BANP: variants seen among roughly 807,000 people sequenced by gnomAD.
The protein encoded by BANP is protein BANP.
Under a neutral mutation model 68.1 loss-of-function variants are expected in BANP, and 11 were observed. That is an observed-to-expected ratio of 0.16 (90% CI 0.10 to 0.27). The LOEUF is 0.27. Ranked by LOEUF, BANP falls within the 10% of genes least tolerant of loss-of-function variation. BANP has a pLI of 1.00. For synonymous variants in BANP, 329 were observed against 303.2 expected, an observed-to-expected ratio of 1.09 and a Z score of -0.88; for missense variants, 504 against 722.7, an observed-to-expected ratio of 0.70 and a Z score of 3.47.
At chr16:87,954,690 C>T (rs369408934) in intron 1 of BANP, among the ~76,000 whole-genome samples, 7 of 152,350 alleles carry the variant, frequency 4.6e-5, no homozygotes, top group African/African-American at 1.4e-4. Flanking sequence ...CAGGGCTCTG[C>T]GAGGCTTGGA....
At chr16:88,038,087 C>T (rs1345998477) in intron 11 of BANP, 76 bp downstream of exon 11, 26 of 1,210,868 alleles carry the variant, frequency 2.1e-5, no homozygotes, top group East Asian at 5.0e-5. Context: ...GGGGGTGGGA[C>T]GGTCAGGTGA....
chr16:87,967,098 C>A (rs11117321), intron 1 of BANP, among the ~76,000 whole-genome samples: 5 of 152,126 alleles, frequency 3.3e-5, no homozygotes, highest in Middle Eastern at 3.4e-3. Context: ...AAGGGAAGTC[C>A]GTGTCTGATG....
At chr16:88,049,458 C>T (rs536636059) in intron 11 of BANP, among the ~76,000 whole-genome samples, 2 of 152,240 alleles carry the variant, frequency 1.3e-5, no homozygotes, top group Admixed American at 6.5e-5. Context: ...TGAACCTGCC[C>T]TCTTGGGTTT....
At chr16:87,990,963 C>T (rs1247315189) in intron 4 of BANP, among the ~76,000 whole-genome samples, 1 of 152,128 alleles carries the variant, frequency 6.6e-6, no homozygotes, top group South Asian at 2.1e-4. Context: ...GGGGTTTCAC[C>T]GTGTTAGCCA....
At chr16:87,960,942 C>T (rs1194176585) in intron 1 of BANP, among the ~76,000 whole-genome samples, 5 of 152,324 alleles carry the variant, frequency 3.3e-5, no homozygotes, top group East Asian at 3.9e-4. Context: ...TCTTTGCCAC[C>T]GTGAGCCCGA....
At chr16:87,989,554 G>A (rs1192079279) in intron 4 of BANP, among the ~76,000 whole-genome samples, 2 of 151,850 alleles carry the variant, frequency 1.3e-5, no homozygotes, top group Non-Finnish European at 1.5e-5. Flanking sequence ...GCAGGCCCGC[G>A]TGGCTGTGCG....
Position 88,033,118 on chromosome 16 carries a change from T to C in BANP, c.1073T>C (p.Met358Thr). 4 of 1,604,506 alleles carry C rather than the reference T, an allele frequency of 2.5e-6. No individual in the cohort carries two copies. The highest frequency in any genetic ancestry group is 1.3e-5 in the African/African-American group (1 of 74,886). ...SSSYCPSEPM[M>T]STPPPASELP... ...CCTGTTGCCCCCACAGAGCCGATGA[T>C]GAGCACCCCACCTCCTGCCAGCGAG... The change falls in exon 9 of 14, where the codon ATG becomes ACG. Residue 358 changes from methionine (M) to threonine (T), a missense_variant. Met to Thr is a moderately conservative substitution (Grantham distance 81). Transcript: ENST00000682872.
intron 1 of BANP, among the ~76,000 whole-genome samples, chr16:87,963,674 T>G (rs1356857814): frequency 6.6e-6 from 1 of 152,226 alleles, no homozygotes; most frequent in African/African-American, 2.4e-5. Context: ...AAAAACCCGT[T>G]ACGTTGTGAC....
At chr16:88,048,410 C>T (rs931237010) in intron 11 of BANP, among the ~76,000 whole-genome samples, 7 of 151,676 alleles carry the variant, frequency 4.6e-5, no homozygotes, top group South Asian at 4.2e-4. Context: ...GAAAGGACGT[C>T]CATTCTAACA....
In BANP at chr16:87,983,330, T is replaced by C. The variant is rs1368612772; in HGVS notation, c.163-730T>C. On this transcript the variant is annotated intron_variant, in intron 3 of 13. Coordinates refer to ENST00000682872, the MANE Select transcript of BANP (RefSeq NM_001386991.1). Reference sequence around the variant, plus strand: ...TGTCTCTTTTGCACAGTGCAATTCCTGTGTGATTAACACGTTTCCACGTGT... The same window carrying C: ...TGTCTCTTTTGCACAGTGCAATTCCCGTGTGATTAACACGTTTCCACGTGT... 3.3e-5 allele frequency among the ~76,000 whole-genome samples: 5 copies of C among 152,200 alleles called. No homozygotes were observed. The East Asian group carries it at 9.6e-4, about 29-fold the overall frequency.
chr16:87,967,254 CTTTTTTTTTTT>C (rs573550962), intron 1 of BANP, among the ~76,000 whole-genome samples: 15 of 106,990 alleles, frequency 1.4e-4, no homozygotes, highest in African/African-American at 2.1e-4. Flanking sequence ...GGAAAAGGTT[CTTTTTTTTTTT>C]TTTTTTTTTT....
At chr16:87,954,163 TG>T (rs1268498574) in intron 1 of BANP, among the ~76,000 whole-genome samples, 1 of 152,202 alleles carries the variant, frequency 6.6e-6, no homozygotes, top group African/African-American at 2.4e-5. Flanking sequence ...GCCCTGGAGT[TG>T]CGTCTTTATC....
chr16:88,072,821 G>A (rs2090684589), intron 13 of BANP, among the ~76,000 whole-genome samples: 1 of 152,238 alleles, frequency 6.6e-6, no homozygotes, highest in Non-Finnish European at 1.5e-5. Flanking sequence ...AGGTGGCCCT[G>A]CATCCGGGAG....
chr16:88,076,523 A>G (rs567463361), intron 13 of BANP, 67 bp from the exon 14 acceptor site: 183 of 1,427,604 alleles, frequency 1.3e-4, no homozygotes, highest in Admixed American at 1.9e-4. Flanking sequence ...CTGGCTGTTC[A>G]TGACACCCCC....
intron 2 of BANP, among the ~76,000 whole-genome samples, chr16:87,977,628 A>G (rs1299990102): frequency 1.3e-5 from 2 of 152,250 alleles, no homozygotes; most frequent in African/African-American, 2.4e-5. Context: ...AAGTAGAAGA[A>G]ATAAAAATTT....
intron 8 of BANP, among the ~76,000 whole-genome samples, chr16:88,028,569 C>T (rs545169981): frequency 2.0e-5 from 3 of 152,324 alleles, no homozygotes; most frequent in East Asian, 1.9e-4. Flanking sequence ...CCTAAAGCAG[C>T]GCTTTATTGA....
At chr16:88,014,239 G>A (rs2073949592) in intron 6 of BANP, among the ~76,000 whole-genome samples, 1 of 152,204 alleles carries the variant, frequency 6.6e-6, no homozygotes, top group African/African-American at 2.4e-5. Flanking sequence ...AGCTCCGTGT[G>A]GGGTGGAGGG....
At chr16:88,041,922 ACAGTAGGAGGGTGGGAGACG>A (rs2080901761) in intron 11 of BANP, among the ~76,000 whole-genome samples, 1 of 152,200 alleles carries the variant, frequency 6.6e-6, no homozygotes, top group African/African-American at 2.4e-5. Flanking sequence ...CCTGAGAGAC[ACAGTAGGAGGGTGGGAGACG>A]CAGTAGGAGG....
chr16:87,987,113 C>T (rs1337004132), intron 4 of BANP, among the ~76,000 whole-genome samples: 3 of 152,102 alleles, frequency 2.0e-5, no homozygotes, highest in African/African-American at 4.8e-5. Flanking sequence ...AGACTCCGCT[C>T]GGCCACCCAG....
Sources: gnomAD v4.1 joint callset for allele counts (sites outside exome capture counted in the v4.1 genomes callset) on GRCh38, gnomAD v4.1.1 for gene constraint, MANE v1.5 for transcripts, NCBI Gene and HGNC (gene_info 2026-07-23, HGNC 2026-07-21) for gene names.